Variants in PDZD2 observed in about 807,000 individuals in gnomAD.
PDZD2 encodes the protein PDZ domain-containing protein 2.
PDZD2 carries 90 observed loss-of-function variants against 220.7 expected under a neutral mutation model. That is an observed-to-expected ratio of 0.41 (90% CI 0.34 to 0.49). The LOEUF (loss-of-function observed/expected upper bound fraction) is 0.49. Ranked by LOEUF, PDZD2 falls within the 20% of genes least tolerant of loss-of-function variation. PDZD2 has a pLI of 0.28. For missense variants in PDZD2, 3,174 were observed against 3,608.5 expected, an observed-to-expected ratio of 0.88 and a Z score of 3.08; for synonymous variants, 1,375 against 1,450.5, an observed-to-expected ratio of 0.95 and a Z score of 1.18.
intron 2 of PDZD2, among the ~76,000 whole-genome samples, chr5:31,951,128 G>T (rs139342174): frequency 6.6e-6 from 1 of 152,012 alleles, no homozygotes. Flanking sequence ...GAGCAGTGGC[G>T]CCATCACAGC....
At chr5:32,100,995 G>A in intron 23 of PDZD2, 110 bp from the exon 24 acceptor site, 1 of 1,591,148 alleles carries the variant, frequency 6.3e-7, no homozygotes, top group Non-Finnish European at 8.6e-7. Context: ...GATGGGACTT[G>A]AGTGTGCCAG....
chr5:31,752,430 T>C (rs1049570447), intron 1 of PDZD2, among the ~76,000 whole-genome samples: 4 of 152,054 alleles, frequency 2.6e-5, no homozygotes, highest in African/African-American at 9.7e-5. Context: ...ACACCTGTAG[T>C]CGCAGCTACT....
rs757079650 is a variant in PDZD2, at chr5:32,097,385, G to A, written c.7947+5G>A. 23 of 1,567,418 alleles carry A rather than the reference G, an allele frequency of 1.5e-5. No homozygotes were observed. Among genetic ancestry groups the A allele is most frequent in the Non-Finnish European group, 1.9e-5 (22 of 1,137,352 alleles). On this transcript the variant is annotated splice_donor_5th_base_variant and intron_variant, in intron 22 of 24. Coordinates refer to ENST00000438447, the MANE Select transcript of PDZD2 (RefSeq NM_178140.4). ...GTGGAGCCAAAATCAATCACGGTAA[G>A]TGACAGAGTCATTAGGCTCTCAGGA...
intron 2 of PDZD2, among the ~76,000 whole-genome samples, chr5:31,936,875 G>C (rs544437684): frequency 1.3e-5 from 2 of 152,318 alleles, no homozygotes; most frequent in South Asian, 4.1e-4. Flanking sequence ...TCTCCATTAA[G>C]GCAGGCTGCC....
intron 1 of PDZD2, among the ~76,000 whole-genome samples, chr5:31,765,663 C>T (rs142017181): frequency 6.9e-4 from 105 of 152,192 alleles, no homozygotes; most frequent in African/African-American, 2.4e-3. Context: ...TCCCTGAGGC[C>T]GGAAGACATC....
intron 1 of PDZD2, among the ~76,000 whole-genome samples, chr5:31,717,960 C>T (rs1184425670): frequency 2.0e-5 from 3 of 152,250 alleles, no homozygotes; most frequent in African/African-American, 7.2e-5. Flanking sequence ...CTCCCAGCTC[C>T]TCTTTGCCTC....
chr5:31,730,290 C>T (rs1426193519), intron 1 of PDZD2, among the ~76,000 whole-genome samples: 1 of 152,150 alleles, frequency 6.6e-6, no homozygotes, highest in Non-Finnish European at 1.5e-5. Flanking sequence ...TTTCTTGTTG[C>T]CCTCTAATTT....
intron 2 of PDZD2, among the ~76,000 whole-genome samples, chr5:31,813,916 C>T (rs1045810822): frequency 3.0e-4 from 45 of 152,232 alleles, no homozygotes; most frequent in South Asian, 2.1e-4. Flanking sequence ...GCCTATAATC[C>T]GAGCACTTTG....
In PDZD2 at chr5:32,110,164, G is replaced by A. The variant is rs960555908; in HGVS notation, c.*2029G>A. 2 of 152,532 alleles carry A rather than the reference G, an allele frequency of 1.3e-5. No homozygotes were observed. Among genetic ancestry groups the A allele is most frequent in the Admixed American group, 1.3e-4 (2 of 15,272 alleles). The allele number at this position is 152,532 out of a possible 1,614,324, so 9.4% of individuals were successfully genotyped here. A position where few individuals can be genotyped will look rare whatever the true frequency, so the allele number is the denominator to read the frequency against. ...ACTGCTTTTCGCCTCCACTCTTACA[G>A]CTGTGCCTAATAATAATTAATTAAT... On this transcript the variant is annotated 3_prime_UTR_variant, in exon 25 of 25. Transcript: ENST00000438447.
chr5:31,651,051 C>T (rs1170476201), intron 1 of PDZD2, among the ~76,000 whole-genome samples: 1 of 152,164 alleles, frequency 6.6e-6, no homozygotes, highest in African/African-American at 2.4e-5. Context: ...TGAGAAATCA[C>T]CTATTCATCT....
At chr5:31,713,376 A>G (rs1444549423) in intron 1 of PDZD2, among the ~76,000 whole-genome samples, 3 of 152,174 alleles carry the variant, frequency 2.0e-5, no homozygotes, top group South Asian at 4.1e-4. Flanking sequence ...ATGAGATACT[A>G]CTGTGCATTG....
chr5:31,833,864 T>C (rs1580851028), intron 2 of PDZD2, among the ~76,000 whole-genome samples: 1 of 152,224 alleles, frequency 6.6e-6, no homozygotes, highest in South Asian at 2.1e-4. Flanking sequence ...ACTATGGCCA[T>C]GGTGACATCA....
rs1391583546 is a variant in PDZD2, at chr5:31,736,388, A to G, written c.-360-62501A>G. On this transcript the variant is annotated intron_variant, in intron 1 of 24. Transcript: ENST00000438447. ...CTGTTGGCTTGACCTAGTTTGATGCAGGTTTTCTGCACTGAATCCACAAGT... is the reference window on the plus strand; with the variant it reads ...CTGTTGGCTTGACCTAGTTTGATGCGGGTTTTCTGCACTGAATCCACAAGT... Among the ~76,000 whole-genome samples, 5 of 152,280 alleles carry G rather than the reference A, an allele frequency of 3.3e-5. No homozygotes were observed. In the South Asian group the frequency reaches 1.0e-3, roughly 32 times the overall value.
intron 5 of PDZD2, among the ~76,000 whole-genome samples, chr5:32,008,284 CTTTTT>C (rs58124921): frequency 1.5e-5 from 2 of 129,152 alleles, no homozygotes; most frequent in East Asian, 2.2e-4. Context: ...TCTTTTGTTT[CTTTTT>C]TTTTTTTTTT....
chr5:31,816,699 A>G (rs770559708), intron 2 of PDZD2, among the ~76,000 whole-genome samples: 4 of 152,238 alleles, frequency 2.6e-5, no homozygotes, highest in Admixed American at 6.5e-5. Flanking sequence ...AAAGTACAGT[A>G]GCTTCAGAGT....
chr5:31,991,687 A>G (rs1194922738), intron 3 of PDZD2, among the ~76,000 whole-genome samples: 2 of 152,180 alleles, frequency 1.3e-5, no homozygotes, highest in Non-Finnish European at 2.9e-5. Flanking sequence ...AATATCAGAC[A>G]CTGATTTATT....
intron 2 of PDZD2, among the ~76,000 whole-genome samples, chr5:31,835,048 T>C (rs1246071868): frequency 2.0e-5 from 3 of 152,162 alleles, no homozygotes; most frequent in Non-Finnish European, 4.4e-5. Context: ...GAGAAATATG[T>C]GCTAGTGTTT....
chr5:31,881,350 G>C (rs1580980351), intron 2 of PDZD2, among the ~76,000 whole-genome samples: 1 of 139,286 alleles, frequency 7.2e-6, no homozygotes, highest in African/African-American at 3.0e-5. Context: ...GTGTGTGTGT[G>C]TGTGTGTGTG....
At chr5:31,974,143 G>T (rs1749542670) in intron 2 of PDZD2, among the ~76,000 whole-genome samples, 1 of 152,134 alleles carries the variant, frequency 6.6e-6, no homozygotes, top group Non-Finnish European at 1.5e-5. Context: ...ACCACGCCCA[G>T]CTAATTTTTG....
Sources: allele counts gnomAD v4.1 joint callset (sites outside exome capture counted in the v4.1 genomes callset), GRCh38; gene constraint gnomAD v4.1.1; transcripts MANE v1.5; gene names NCBI Gene and HGNC (gene_info 2026-07-23, HGNC 2026-07-21).